Variants in ATG16L2 observed in about 807,000 individuals in gnomAD.
The protein encoded by ATG16L2 is protein Atg16l2.
A neutral mutation model predicts 84.7 loss-of-function variants in ATG16L2; 77 were observed. The observed-to-expected ratio is 0.91, with a 90% CI of 0.76 to 1.10. The LOEUF (loss-of-function observed/expected upper bound fraction) is 1.10, where lower values mean the gene tolerates loss of function less well. Ranked by LOEUF, ATG16L2 falls within the 50% of genes least tolerant of loss-of-function variation. The pLI, the probability that ATG16L2 is intolerant of heterozygous loss-of-function variation, is 0.00. For synonymous variants in ATG16L2, 361 were observed against 342.8 expected (o/e 1.05, Z -0.59); for missense variants, 782 against 817.6 (o/e 0.96, Z 0.53).
chr11:72,822,416 T>C lies in ATG16L2; in HGVS notation c.645-62T>C. On this transcript the variant is annotated intron_variant, in intron 5 of 17. Coordinates refer to ENST00000321297, the MANE Select transcript of ATG16L2 (RefSeq NM_033388.2). The surrounding 1 kb of genome is among the most constrained non-coding windows in gnomAD (Gnocchi z 4.2). Reference sequence around the variant, plus strand: ...CCGCCCCCTGGAGGAAGGGACCGGGTCTAGCCCCGCCTGCGTGCGAGGCGC... The same window carrying C: ...CCGCCCCCTGGAGGAAGGGACCGGGCCTAGCCCCGCCTGCGTGCGAGGCGC... The C allele has an allele frequency of 6.2e-7, 1 of 1,608,510 alleles. No individual in the cohort carries two copies. Among genetic ancestry groups the C allele is most frequent in the Non-Finnish European group, 8.5e-7 (1 of 1,177,612 alleles).
chr11:72,843,417 C>T (rs1861027511), exon 6 of ATG16L2: 1 of 1,608,184 alleles, frequency 6.2e-7, no homozygotes, highest in East Asian at 2.2e-5. Context: ...AAAAATGTCA[C>T]AAGAAAGGGC....
rs1860287661 is a variant in ATG16L2, at chr11:72,825,370, G to A, written c.1065G>A (p.Gly355=). The change falls in exon 10 of 18, where the codon GGG becomes GGA. Residue 355 remains glycine, a synonymous_variant. Coordinates refer to ENST00000321297, the MANE Select transcript of ATG16L2 (RefSeq NM_033388.2). ...GPNSSLLATG[G]ADRLIHLWNV... ...ACAGCAGCCTCCTGGCCACTGGAGGGGCTGACCGCCTGATCCACCTCTGGA... is the reference window on the plus strand; with the variant it reads ...ACAGCAGCCTCCTGGCCACTGGAGGAGCTGACCGCCTGATCCACCTCTGGA... The A allele has an allele frequency of 1.9e-6, 3 of 1,613,170 alleles. No homozygotes were observed. The highest frequency in any genetic ancestry group is 2.2e-5 in the East Asian group (1 of 44,854).
intron 1 of ATG16L2, 34 bp downstream of exon 1, chr11:72,814,597 T>A: frequency 6.6e-7 from 1 of 1,508,272 alleles, no homozygotes; most frequent in East Asian, 2.6e-5. Context: ...GGATGGCGGC[T>A]GAGGGGACGC....
intron 8 of ATG16L2, 32 bp downstream of exon 8, chr11:72,824,154 C>T (rs562772338): frequency 1.4e-5 from 22 of 1,613,700 alleles, no homozygotes; most frequent in East Asian, 2.2e-5. Context: ...TGTGCACCCA[C>T]GTGTGTGTCG....
Position 72,822,083 on chromosome 11 carries a change from G to A in ATG16L2, c.432G>A (p.Glu144=). ...AGGCCCGCGTGGCGCAGCTGCGAGA[G>A]GCGCGGGCGCAGCAGGCCCAGCAGG... The part of the protein sequence containing the change: ...ALEARVAQLR[E]ARAQQAQQVE... Residue 144 remains glutamate (E), a synonymous_variant, in exon 5 of 18, where the codon GAG becomes GAA. Coordinates refer to ENST00000321297, the MANE Select transcript of ATG16L2 (RefSeq NM_033388.2). The surrounding 1 kb of genome is among the most constrained non-coding windows in gnomAD (Gnocchi z 4.2). 1 of 1,542,538 alleles carries A rather than the reference G, an allele frequency of 6.5e-7. No individual in the cohort carries two copies. Among genetic ancestry groups the A allele is most frequent in the Non-Finnish European group, 8.6e-7 (1 of 1,156,072 alleles).
In ATG16L2 at chr11:72,826,564, G is replaced by A; in HGVS notation, c.1220G>A (p.Trp407Ter). ...AATYNQAAQL[W>*]KVGEAQSKET... ...ACTTACAACCAGGCTGCCCAGCTCT[G>A]GAAGGTGGGGGAGGCACAGTCCAAG... The change falls in exon 12 of 18, where the codon TGG becomes TAG. Residue 407 changes from tryptophan to a stop codon, truncating the protein, a stop_gained. Coordinates refer to ENST00000321297, the MANE Select transcript of ATG16L2 (RefSeq NM_033388.2). LOFTEE classifies it high-confidence loss of function. The A allele has an allele frequency of 6.2e-7, 1 of 1,614,182 alleles. No homozygotes were observed. The highest frequency in any genetic ancestry group is 2.2e-5 in the East Asian group (1 of 44,886).
chr11:72,842,285 A>T (rs2135153565), intron 5 of ATG16L2, among the ~76,000 whole-genome samples: 1 of 152,362 alleles, frequency 6.6e-6, no homozygotes, highest in Admixed American at 6.5e-5. Context: ...TTTACTACGT[A>T]AATTAACCAC....
At chr11:72,821,851 C>T in intron 4 of ATG16L2, 110 bp downstream of exon 4, 2 of 1,448,142 alleles carry the variant, frequency 1.4e-6, no homozygotes, top group Non-Finnish European at 1.8e-6. Context: ...CCCTACGTCC[C>T]CCCGACCCCA....
chr11:72,821,275 C>T (rs1859975863), intron 3 of ATG16L2: 2 of 1,020,318 alleles, frequency 2.0e-6, no homozygotes, highest in Non-Finnish European at 2.4e-6. Context: ...TCATGGCGCC[C>T]GAGGGCCGGA....
intron 5 of ATG16L2, among the ~76,000 whole-genome samples, chr11:72,835,725 C>T (rs888368594): frequency 6.6e-6 from 1 of 152,002 alleles, no homozygotes; most frequent in Non-Finnish European, 1.5e-5. Context: ...TAGGAATCTA[C>T]CCAACATTTA....
At chr11:72,827,054 G>A in intron 13 of ATG16L2, 134 bp from the exon 14 acceptor site, 1 of 847,438 alleles carries the variant, frequency 1.2e-6, no homozygotes, top group Non-Finnish European at 1.8e-6. Flanking sequence ...TGAGCCCTGT[G>A]CTGGGAAGCG....
exon 6 of ATG16L2, chr11:72,843,318 T>G (rs754434724): frequency 2.5e-6 from 4 of 1,613,414 alleles, no homozygotes; most frequent in Middle Eastern, 1.6e-4. Flanking sequence ...TTGGCCAACT[T>G]TATTTCGAGC....
Position 72,822,777 on chromosome 11 carries a change from G to A in ATG16L2, c.711-71G>A. The A allele has an allele frequency of 2.4e-6, 3 of 1,230,990 alleles. No individual in the cohort carries two copies. Among genetic ancestry groups the A allele is most frequent in the Admixed American group, 5.0e-5 (2 of 39,902 alleles). 76.3% of individuals were successfully genotyped at this position (1,230,990 alleles called of 1,614,324 possible). On this transcript the variant is annotated intron_variant, in intron 6 of 17. Coordinates refer to ENST00000321297, the MANE Select transcript of ATG16L2 (RefSeq NM_033388.2). This position sits in a 1 kb window ranked among gnomAD's most constrained non-coding sequence, Gnocchi z 4.2. The stretch of plus-strand genomic sequence containing the variant: ...ATCACTGGGAATTCCTGTCTTCAGC[G>A]TATCCTGTGCTGGGGTCGGGAGGGG...
In ATG16L2 at chr11:72,829,346, A is replaced by G. The variant is rs774820886; in HGVS notation, c.1816A>G (p.Met606Val). The change falls in exon 18 of 18, where the codon ATG becomes GTG. Residue 606 changes from methionine to valine, a missense_variant. Met to Val is a conservative substitution (Grantham distance 21). Transcript: ENST00000321297. ...GGCCTGGTGCTACTCCGGGAGCCAC[A>G]TGGTGAGCGTGGACCAGGGCAGGAA... Reference protein sequence around the residue: ...AVAWCYSGSHMVSVDQGRKVV... With the variant: ...AVAWCYSGSHVVSVDQGRKVV... 3.0e-5 allele frequency: 48 copies of G among 1,612,880 alleles called. No homozygotes were observed. The highest frequency in any genetic ancestry group is 3.7e-5 in the Non-Finnish European group (44 of 1,179,866).
chr11:72,831,506 A>C (rs111873688), downstream of ATG16L2, among the ~76,000 whole-genome samples: 769 of 152,270 alleles, frequency 5.1e-3, 4 homozygotes, highest in Middle Eastern at 0.01. Flanking sequence ...ACTCCATCTC[A>C]ACAACAACAA....
At chr11:72,828,849 C>A (rs1377330967) in intron 16 of ATG16L2, 34 bp from the exon 17 acceptor site, 1 of 1,613,750 alleles carries the variant, frequency 6.2e-7, no homozygotes, top group Non-Finnish European at 8.5e-7. Flanking sequence ...CCCCTCTGAC[C>A]CCCCGTTTTC....
chr11:72,837,611 G>A (rs969327933), intron 5 of ATG16L2: 1 of 152,252 alleles, frequency 6.6e-6, no homozygotes, highest in Non-Finnish European at 1.5e-5. Context: ...CTGCAGAGAA[G>A]GCCACTCCTG....
Position 72,822,600 on chromosome 11 carries a change from C to A in ATG16L2, c.710+57C>A. ...GCGTTCTGCCTCCCGCCCCGCCTGCCTGCGGCGACCCAGGCTGCCGACTGT... is the reference window on the plus strand; with the variant it reads ...GCGTTCTGCCTCCCGCCCCGCCTGCATGCGGCGACCCAGGCTGCCGACTGT... On this transcript the variant is annotated intron_variant, in intron 6 of 17. Coordinates refer to ENST00000321297, the MANE Select transcript of ATG16L2 (RefSeq NM_033388.2). This position sits in a 1 kb window ranked among gnomAD's most constrained non-coding sequence, Gnocchi z 4.2. 6.3e-7 allele frequency: 1 copy of A among 1,588,840 alleles called. No individual in the cohort carries two copies. The highest frequency in any genetic ancestry group is 1.1e-5 in the South Asian group (1 of 88,472).
At position 72,829,577 on chromosome 11, in the gene ATG16L2, G is replaced by GTATTTT; in HGVS notation, c.*191_*196dup. 1 of 1,339,032 alleles carries GTATTTT rather than the reference G, an allele frequency of 7.5e-7. No individual in the cohort carries two copies. Among genetic ancestry groups the GTATTTT allele is most frequent in the Non-Finnish European group, 9.5e-7 (1 of 1,047,708 alleles). 82.9% of individuals were successfully genotyped at this position (1,339,032 alleles called of 1,614,324 possible). ...TGGGGGATTACGCTAGTTTTTCTTT[G>GTATTTT]TATTTTTATCTCTATCTCCTCACTT... On this transcript the variant is annotated 3_prime_UTR_variant, in exon 18 of 18. Coordinates refer to ENST00000321297, the MANE Select transcript of ATG16L2 (RefSeq NM_033388.2).
Sources: gnomAD v4.1 joint callset for allele counts (sites outside exome capture counted in the v4.1 genomes callset) on GRCh38, gnomAD v4.1.1 for gene constraint, Gnocchi (gnomAD v3.1) non-coding constraint, MANE v1.5 for transcripts, NCBI Gene and HGNC (gene_info 2026-07-23, HGNC 2026-07-21) for gene names.